Variants in SDCCAG8 observed in about 807,000 individuals in gnomAD.
SDCCAG8 encodes the protein SHH signaling and ciliogenesis regulator SDCCAG8, also known as serologically defined colon cancer antigen 8.
In SDCCAG8, 74 loss-of-function variants were observed where a neutral mutation model predicts 101.8. That is an observed-to-expected ratio of 0.73 (90% CI 0.60 to 0.88). The LOEUF (loss-of-function observed/expected upper bound fraction) is 0.88, where lower values mean the gene tolerates loss of function less well. SDCCAG8 is among the 40% of genes least tolerant of loss of function. The pLI, the probability that SDCCAG8 is intolerant of heterozygous loss-of-function variation, is 0.00. For missense variants in SDCCAG8, 787 were observed against 822.6 expected (o/e 0.96, Z 0.53); for synonymous variants, 281 against 292.9 (o/e 0.96, Z 0.41).
intron 1 of SDCCAG8, chr1:243,267,674 A>G: frequency 2.6e-6 from 2 of 769,756 alleles, no homozygotes; most frequent in South Asian, 1.3e-5. Flanking sequence ...AGGCTGAGTT[A>G]CTCTCTGTAC....
In SDCCAG8 at chr1:243,312,723, A is replaced by T. The variant is rs112940780; in HGVS notation, c.930-4032A>T. On this transcript the variant is annotated intron_variant, in intron 8 of 17. Coordinates refer to ENST00000366541, the MANE Select transcript of SDCCAG8 (RefSeq NM_006642.5). ...CCTGTCTCCAAAAAAAAAAAAAAAAAAATAATGGCTTGTACAGTTGACAAG... is the reference window on the plus strand; with the variant it reads ...CCTGTCTCCAAAAAAAAAAAAAAAATAATAATGGCTTGTACAGTTGACAAG... Among the ~76,000 whole-genome samples the T allele has an allele frequency of 2.5e-3, 373 of 151,808 alleles. 1 individual carries two copies. Among genetic ancestry groups the T allele is most frequent in the African/African-American group, 8.2e-3 (339 of 41,416 alleles).
intron 13 of SDCCAG8, among the ~76,000 whole-genome samples, chr1:243,389,133 C>T (rs1227632361): frequency 2.7e-5 from 4 of 150,396 alleles, no homozygotes; most frequent in Admixed American, 6.6e-5. Flanking sequence ...GGCGACAGAG[C>T]GAGACTCTGT....
chr1:243,296,188 G>T (rs1423080380), intron 6 of SDCCAG8, among the ~76,000 whole-genome samples: 2 of 151,974 alleles, frequency 1.3e-5, no homozygotes, highest in Non-Finnish European at 2.9e-5. Flanking sequence ...TAGAGATGGG[G>T]TTTCGCCATG....
At chr1:243,359,680 T>A (rs1027388108) in intron 12 of SDCCAG8, among the ~76,000 whole-genome samples, 2 of 152,164 alleles carry the variant, frequency 1.3e-5, no homozygotes, top group Admixed American at 1.3e-4. Context: ...GGGTCTTAAC[T>A]TACCCTTCAT....
chr1:243,461,275 C>T (rs1659052852), intron 16 of SDCCAG8, among the ~76,000 whole-genome samples: 1 of 152,192 alleles, frequency 6.6e-6, no homozygotes, highest in African/African-American at 2.4e-5. Flanking sequence ...GTAAAGAGAG[C>T]TGTCAAAATA....
At chr1:243,289,778 G>A (rs2070037164) in intron 5 of SDCCAG8, among the ~76,000 whole-genome samples, 1 of 152,156 alleles carries the variant, frequency 6.6e-6, no homozygotes. Flanking sequence ...TTCTGCATAA[G>A]TTAGGAAGAG....
chr1:243,304,465 G>T (rs1011453767), intron 6 of SDCCAG8, among the ~76,000 whole-genome samples: 17 of 152,098 alleles, frequency 1.1e-4, no homozygotes, highest in Non-Finnish European at 1.9e-4. Context: ...CACTTTTAGG[G>T]ATAAGACCTG....
chr1:243,348,974 G>A (rs111455053), intron 12 of SDCCAG8, among the ~76,000 whole-genome samples: 14 of 147,226 alleles, frequency 9.5e-5, no homozygotes, highest in African/African-American at 3.0e-4. Flanking sequence ...CAACAAGAGC[G>A]AAACCCTGTC....
At chr1:243,302,082 T>C (rs987485181) in intron 6 of SDCCAG8, among the ~76,000 whole-genome samples, 6 of 152,074 alleles carry the variant, frequency 3.9e-5, no homozygotes, top group African/African-American at 1.4e-4. Context: ...ACCCTGTCCC[T>C]ACTAAAAATA....
chr1:243,432,837 T>C (rs776656281), intron 16 of SDCCAG8, among the ~76,000 whole-genome samples: 1 of 152,182 alleles, frequency 6.6e-6, no homozygotes, highest in Non-Finnish European at 1.5e-5. Flanking sequence ...TTCAAACTTA[T>C]GCTTATTTTA....
At chr1:243,299,439 G>T (rs1295695579) in intron 6 of SDCCAG8, among the ~76,000 whole-genome samples, 2 of 152,054 alleles carry the variant, frequency 1.3e-5, no homozygotes, top group African/African-American at 4.8e-5. Flanking sequence ...CAAAGGCAGG[G>T]TTTCGCTTTT....
At chr1:243,310,778 G>A (rs1490171992) in intron 8 of SDCCAG8, among the ~76,000 whole-genome samples, 1 of 152,134 alleles carries the variant, frequency 6.6e-6, no homozygotes, top group Admixed American at 6.5e-5. Context: ...AGGACAAGCT[G>A]CCTAGTTGCA....
At chr1:243,454,317 G>A (rs778190582) in intron 16 of SDCCAG8, among the ~76,000 whole-genome samples, 2 of 152,056 alleles carry the variant, frequency 1.3e-5, no homozygotes, top group African/African-American at 4.8e-5. Context: ...GAGACACAGA[G>A]GCCAAGCAGA....
At chr1:243,447,584 G>T (rs1306804194) in intron 16 of SDCCAG8, among the ~76,000 whole-genome samples, 6 of 152,066 alleles carry the variant, frequency 3.9e-5, no homozygotes, top group Non-Finnish European at 8.8e-5. Context: ...AAGGGGTGGG[G>T]CAGCACTTTT....
chr1:243,459,893 A>T (rs933764177), intron 16 of SDCCAG8, among the ~76,000 whole-genome samples: 4 of 152,188 alleles, frequency 2.6e-5, no homozygotes, highest in Non-Finnish European at 5.9e-5. Flanking sequence ...ATCAGTTTGC[A>T]CGTGCTTCTG....
intron 16 of SDCCAG8, among the ~76,000 whole-genome samples, chr1:243,451,057 A>AG (rs993997324): frequency 1.3e-5 from 2 of 152,280 alleles, no homozygotes; most frequent in Admixed American, 1.3e-4. Context: ...ATAGGGTAAA[A>AG]GTAGTATACA....
intron 4 of SDCCAG8, among the ~76,000 whole-genome samples, chr1:243,283,419 A>C: frequency 7.3e-6 from 1 of 136,366 alleles, no homozygotes. Context: ...ATATATATAC[A>C]TGTATATATA....
At chr1:243,343,148 C>T (rs1230892391) in intron 11 of SDCCAG8, among the ~76,000 whole-genome samples, 1 of 152,174 alleles carries the variant, frequency 6.6e-6, no homozygotes, top group African/African-American at 2.4e-5. Flanking sequence ...AGGTTTTATA[C>T]CTTAGTCTAT....
chr1:243,372,340 G>T (rs1444482376), intron 12 of SDCCAG8, among the ~76,000 whole-genome samples: 1 of 151,990 alleles, frequency 6.6e-6, no homozygotes, highest in Non-Finnish European at 1.5e-5. Context: ...ACACAAACAA[G>T]TCACCCTATA....
Sources: allele counts gnomAD v4.1 joint callset (sites outside exome capture counted in the v4.1 genomes callset), GRCh38; gene constraint gnomAD v4.1.1; transcripts MANE v1.5; gene names NCBI Gene and HGNC (gene_info 2026-07-23, HGNC 2026-07-21).